The following DMXL1 variants were observed in gnomAD, a reference collection of about 807,000 sequenced individuals.
DMXL1 encodes dmX-like protein 1.
A neutral mutation model predicts 319.2 loss-of-function variants in DMXL1; 99 were observed. That is an observed-to-expected ratio of 0.31 (90% confidence interval 0.26 to 0.37). The LOEUF (loss-of-function observed/expected upper bound fraction) is 0.37, where lower values mean the gene tolerates loss of function less well. Ranked by LOEUF, DMXL1 falls within the 10% of genes least tolerant of loss-of-function variation. The pLI is 1.00. For missense variants in DMXL1, 3,745 were observed against 3,595.6 expected (o/e 1.04, Z -1.06); for synonymous variants, 1,385 against 1,235.2 (o/e 1.12, Z -2.54).
chr5:119,202,995 A>G (rs1031324457), intron 32 of DMXL1, among the ~76,000 whole-genome samples: 6 of 150,620 alleles, frequency 4.0e-5, no homozygotes, highest in Non-Finnish European at 8.9e-5. Context: ...TAATTTAGAC[A>G]TATATATTCA....
Position 119,150,436 on chromosome 5 carries a change from C to T in DMXL1, c.4594+15C>T, listed in dbSNP as rs199531508. ...CAGAAGCCAAGGTAAAACTAAACTC[C>T]GTACTGATAACATTTTTACTTACTT... is the stretch of plus-strand genomic sequence containing the variant. On this transcript the variant is annotated intron_variant, in intron 18 of 43. Coordinates refer to ENST00000539542, the MANE Select transcript of DMXL1 (RefSeq NM_001290321.3). 68 of 1,566,284 alleles carry T rather than the reference C, an allele frequency of 4.3e-5. 2 individuals are homozygous for T. The South Asian group carries it at 6.2e-4, about 14-fold the overall frequency.
rs144070830 is a variant in DMXL1, at chr5:119,073,521, G to A, written c.87+1865G>A. ...TGTTTTTAAGGAGAGATCAGTTAATGTGCCGAGGAGGATTAGATAGATGGT... is the reference window on the plus strand; with the variant it reads ...TGTTTTTAAGGAGAGATCAGTTAATATGCCGAGGAGGATTAGATAGATGGT... On this transcript the variant is annotated intron_variant, in intron 1 of 43. Coordinates refer to ENST00000539542, the MANE Select transcript of DMXL1 (RefSeq NM_001290321.3). Among the ~76,000 whole-genome samples the A allele has an allele frequency of 5.6e-3, 858 of 152,258 alleles. 8 individuals carry two copies. The highest frequency in any genetic ancestry group is 0.02 in the African/African-American group (815 of 41,534).
At chr5:119,157,684 G>A (rs914387725) in intron 19 of DMXL1, among the ~76,000 whole-genome samples, 18 of 152,196 alleles carry the variant, frequency 1.2e-4, no homozygotes, top group African/African-American at 4.3e-4. Flanking sequence ...GTCTGTTTCT[G>A]TTTTTACACC....
chr5:119,151,476 T>C (rs1194888746), intron 18 of DMXL1, among the ~76,000 whole-genome samples: 2 of 152,208 alleles, frequency 1.3e-5, no homozygotes, highest in African/African-American at 4.8e-5. Context: ...GTGAATATGT[T>C]ATAGGTGTTT....
rs992816994 is a variant in DMXL1 at position 119,071,339 on chromosome 5, G to A, written c.-231G>A. 2 of 528,886 alleles carry A rather than the reference G, an allele frequency of 3.8e-6. No homozygotes were observed. The highest frequency in any genetic ancestry group is 3.3e-6 in the Non-Finnish European group (1 of 300,540). 32.8% of individuals were successfully genotyped at this position (528,886 alleles called of 1,614,324 possible). A position where few individuals can be genotyped will look rare whatever the true frequency, so the allele number is the denominator to read the frequency against. On this transcript the variant is annotated 5_prime_UTR_variant, in exon 1 of 44. Coordinates refer to ENST00000539542, the MANE Select transcript of DMXL1 (RefSeq NM_001290321.3). ...CGCGGGGAGTGACAGGTGCGCGAAG[G>A]AGCGCGGCGCTCCGCCCTCTCGCCG...
chr5:119,144,969 T>A (rs1561710708), intron 15 of DMXL1, among the ~76,000 whole-genome samples: 1 of 151,732 alleles, frequency 6.6e-6, no homozygotes, highest in Non-Finnish European at 1.5e-5. Flanking sequence ...AAATTTATAA[T>A]TTAAAGAAGT....
chr5:119,087,461 A>C (rs1033051081), intron 1 of DMXL1, among the ~76,000 whole-genome samples: 2 of 152,086 alleles, frequency 1.3e-5, no homozygotes, highest in African/African-American at 4.8e-5. Flanking sequence ...ATATTTGTGA[A>C]GTTTCCAAGG....
Position 119,121,085 on chromosome 5 carries a change from C to T in DMXL1, c.1048C>T (p.His350Tyr), listed in dbSNP as rs776185916. The T allele has an allele frequency of 1.9e-6, 3 of 1,612,362 alleles. No individual in the cohort carries two copies. The highest frequency in any genetic ancestry group is 1.7e-5 in the Admixed American group (1 of 59,336). ...PHHVHRNTPL[H>Y]ANALCHFHIA... is the part of the protein sequence containing the mutation. ...TCATGTTCACAGGAACACTCCACTG[C>T]ATGCCAATGCACTTTGCCACTTTCA... Residue 350 changes from histidine to tyrosine, a missense_variant, in exon 9 of 44, where the codon CAT (histidine) becomes TAT (tyrosine). Around this residue, in one of 4 missense-constraint regions of DMXL1, gnomAD observed 2,096 missense variants for 1,985.4 expected, o/e 1.06. Transcript: ENST00000539542.
chr5:119,150,535 AT>A, intron 18 of DMXL1, 114 bp downstream of exon 18: 1 of 1,199,064 alleles, frequency 8.3e-7, no homozygotes, highest in Non-Finnish European at 1.1e-6. Context: ...ATGCCTGTAA[AT>A]TCAGCTCTTT....
intron 38 of DMXL1, among the ~76,000 whole-genome samples, chr5:119,227,567 A>G (rs1326100893): frequency 3.3e-5 from 5 of 151,966 alleles, no homozygotes; most frequent in African/African-American, 1.2e-4. Context: ...CTGTAAGGCA[A>G]CCATGTAAGG....
chr5:119,092,733 C>T (rs1214077758), intron 1 of DMXL1, among the ~76,000 whole-genome samples: 3 of 152,192 alleles, frequency 2.0e-5, no homozygotes, highest in Non-Finnish European at 2.9e-5. Flanking sequence ...AACTGCCTTA[C>T]TGACTCTATG....
In DMXL1 at chr5:119,171,113, A is replaced by G; in HGVS notation, c.6322A>G (p.Lys2108Glu). 6.2e-7 allele frequency: 1 copy of G among 1,613,970 alleles called. No homozygotes were observed. Among genetic ancestry groups the G allele is most frequent in the Non-Finnish European group, 8.5e-7 (1 of 1,179,896 alleles). ...EDAEDLPHQTKVKQLRENFQE... is the reference protein window; with the variant it reads ...EDAEDLPHQTEVKQLRENFQE... The stretch of plus-strand genomic sequence containing the variant: ...TGCTGAAGATTTGCCTCACCAAACA[A>G]AAGTGAAACAACTGAGAGAAAATTT... Residue 2108 changes from lysine to glutamate, a missense_variant, in exon 24 of 44, where the codon AAA becomes GAA. By Grantham distance (56) the Lys-to-Glu change is moderately conservative. This residue lies in a region of DMXL1 where 1,382 missense variants were observed against 1,269.5 expected (regional missense o/e 1.09). Coordinates refer to ENST00000539542, the MANE Select transcript of DMXL1 (RefSeq NM_001290321.3).
chr5:119,167,942 G>T (rs1773763090), intron 23 of DMXL1, 78 bp downstream of exon 23: 6 of 1,383,512 alleles, frequency 4.3e-6, no homozygotes, highest in Admixed American at 2.6e-5. Flanking sequence ...TCTATTAGGT[G>T]GTAAGGGTAA....
Position 119,135,898 on chromosome 5 carries a change from G to C in DMXL1, c.2376+1509G>C, listed in dbSNP as rs1212283421. Among the ~76,000 whole-genome samples the C allele has an allele frequency of 8.5e-5, 13 of 152,198 alleles. No individual in the cohort carries two copies. In the East Asian group the frequency reaches 2.3e-3, roughly 27 times the overall value. ...CTACTACAGATAATTGGTACCAGGA[G>C]TGGGGCACTGCTATAAGGATAACCC... is the stretch of plus-strand genomic sequence containing the variant. On this transcript the variant is annotated intron_variant, in intron 13 of 43. Transcript: ENST00000539542.
intron 1 of DMXL1, among the ~76,000 whole-genome samples, chr5:119,088,041 ATCTGC>A (rs1753766748): frequency 6.6e-6 from 1 of 152,086 alleles, no homozygotes; most frequent in Non-Finnish European, 1.5e-5. Context: ...ACTTCAGGTG[ATCTGC>A]CAGCCTCCGC....
rs1335501000 is a variant in DMXL1 at position 119,229,988 on chromosome 5, G to A, written c.8339-3352G>A. Reference sequence around the variant, plus strand: ...AGCAATTAATGTTTTAGTATTTTATGTAATTTGGAAGTGATCTAGATATTC... The same window carrying A: ...AGCAATTAATGTTTTAGTATTTTATATAATTTGGAAGTGATCTAGATATTC... On this transcript the variant is annotated intron_variant, in intron 38 of 43. Coordinates refer to ENST00000539542, the MANE Select transcript of DMXL1 (RefSeq NM_001290321.3). Among the ~76,000 whole-genome samples, 5 of 152,214 alleles carry A rather than the reference G, an allele frequency of 3.3e-5. No homozygotes were observed. In the South Asian group the frequency reaches 6.2e-4, roughly 19 times the overall value.
At position 119,154,273 on chromosome 5, in the gene DMXL1, G is replaced by C. The variant is rs188370135; in HGVS notation, c.4702+2237G>C. Among the ~76,000 whole-genome samples, 5 of 152,334 alleles carry C rather than the reference G, an allele frequency of 3.3e-5. No individual in the cohort carries two copies. In the East Asian group the frequency reaches 9.6e-4, roughly 29 times the overall value. On this transcript the variant is annotated intron_variant, in intron 19 of 43. Coordinates refer to ENST00000539542, the MANE Select transcript of DMXL1 (RefSeq NM_001290321.3). ...AGAAAGGACTAAGCTTAGTAAGGAA[G>C]GCATGTTGAAAGCCGAGATAGGCTG...
chr5:119,213,105 C>T (rs978807019), intron 34 of DMXL1, among the ~76,000 whole-genome samples: 2 of 152,136 alleles, frequency 1.3e-5, no homozygotes, highest in Non-Finnish European at 2.9e-5. Context: ...ATAAAACTAC[C>T]CTGCAGTCAT....
intron 5 of DMXL1, among the ~76,000 whole-genome samples, chr5:119,113,237 A>C (rs1340297680): frequency 1.3e-5 from 2 of 152,074 alleles, no homozygotes; most frequent in East Asian, 3.9e-4. Flanking sequence ...TGTTCATGAC[A>C]TATTTTTGTT....
Sources: gnomAD v4.1 joint callset for allele counts (sites outside exome capture counted in the v4.1 genomes callset) on GRCh38, gnomAD v4.1.1 for gene constraint, gnomAD v4.1.1 regional missense constraint, MANE v1.5 for transcripts, NCBI Gene and HGNC (gene_info 2026-07-23, HGNC 2026-07-21) for gene names.